COL25A1: variants seen among roughly 807,000 people sequenced by gnomAD.
COL25A1 encodes the protein collagen alpha-1(XXV) chain.
COL25A1 carries 103 observed loss-of-function variants against 128.4 expected under a neutral mutation model. That is an observed-to-expected ratio of 0.80 (90% CI 0.68 to 0.94). The LOEUF (loss-of-function observed/expected upper bound fraction) is 0.94. COL25A1 is among the 40% of genes least tolerant of loss of function. The probability of loss-of-function intolerance (pLI) is 0.00; values close to 1 mark genes in which losing one functional copy is unlikely to be tolerated. For synonymous variants in COL25A1, 279 were observed against 277.2 expected (o/e 1.01, Z -0.06); for missense variants, 745 against 840.0 (o/e 0.89, Z 1.40).
chr4:109,017,111 C>T (rs936006243), intron 5 of COL25A1, among the ~76,000 whole-genome samples: 1 of 152,212 alleles, frequency 6.6e-6, no homozygotes, highest in East Asian at 1.9e-4. Flanking sequence ...ACCACATTCC[C>T]CTTGTCCAGA....
chr4:109,118,397 G>A (rs1767803053), intron 3 of COL25A1, among the ~76,000 whole-genome samples: 2 of 151,698 alleles, frequency 1.3e-5, no homozygotes, highest in Admixed American at 6.6e-5. Flanking sequence ...GAGGTGATGG[G>A]TATGTTAATT....
At chr4:108,829,427 CTATCTATCATCT>C (rs1307672539) in intron 32 of COL25A1, among the ~76,000 whole-genome samples, 15 of 144,454 alleles carry the variant, frequency 1.0e-4, no homozygotes, top group Non-Finnish European at 1.7e-4. Context: ...ATCTATCTAT[CTATCTATCATCT>C]ATCTATCTGT....
intron 3 of COL25A1, among the ~76,000 whole-genome samples, chr4:109,128,573 A>T (rs1768861559): frequency 6.6e-6 from 1 of 152,206 alleles, no homozygotes; most frequent in Non-Finnish European, 1.5e-5. Context: ...TACCTGCAAG[A>T]CATCAGGGAG....
intron 3 of COL25A1, among the ~76,000 whole-genome samples, chr4:109,169,416 C>T (rs1773379238): frequency 6.6e-6 from 1 of 152,078 alleles, no homozygotes; most frequent in African/African-American, 2.4e-5. Flanking sequence ...GTGTGTATTC[C>T]CTTTTCCTTC....
chr4:108,871,670 C>CT (rs1169179344), intron 19 of COL25A1, among the ~76,000 whole-genome samples: 1 of 152,182 alleles, frequency 6.6e-6, no homozygotes, highest in Non-Finnish European at 1.5e-5. Flanking sequence ...GATTATGCCA[C>CT]TTTAAGAAAG....
At chr4:108,950,625 C>A (rs1194742274) in intron 8 of COL25A1, among the ~76,000 whole-genome samples, 3 of 152,198 alleles carry the variant, frequency 2.0e-5, no homozygotes, top group Non-Finnish European at 4.4e-5. Context: ...ATTTTAGGAA[C>A]TCTCCCTTGA....
At chr4:109,071,832 A>G (rs111305391) in intron 3 of COL25A1, among the ~76,000 whole-genome samples, 17,592 of 152,134 alleles carry the variant, frequency 0.12, 1,312 homozygotes, top group African/African-American at 0.21. Context: ...AAATAGGAAC[A>G]CTTTTACACT....
chr4:108,817,314 G>A lies in COL25A1; in HGVS notation c.1962+83C>T. 3 of 1,231,228 alleles carry A rather than the reference G, an allele frequency of 2.4e-6. No individual in the cohort carries two copies. In the Admixed American group the frequency reaches 5.5e-5, roughly 22 times the overall value. The allele number at this position is 1,231,228 out of a possible 1,614,324, so 76.3% of individuals were successfully genotyped here. On this transcript the variant is annotated intron_variant, in intron 37 of 37. Transcript: ENST00000399132. Reference sequence around the variant, plus strand: ...AATCTTTTGCTTTTTAATATCCGAAGGTCTTTTCTGAATGGAAAAGGCTAG... The same window carrying A: ...AATCTTTTGCTTTTTAATATCCGAAAGTCTTTTCTGAATGGAAAAGGCTAG...
At chr4:108,999,183 A>G (rs1480252612) in intron 6 of COL25A1, among the ~76,000 whole-genome samples, 6 of 77,976 alleles carry the variant, frequency 7.7e-5, no homozygotes, top group Non-Finnish European at 1.8e-4. Flanking sequence ...CAGGTAACCT[A>G]AAGAATGGGA....
rs149764632 is a variant in COL25A1 at position 109,261,354 on chromosome 4, T to A, written c.367+39229A>T. Among the ~76,000 whole-genome samples, 6 of 152,128 alleles carry A rather than the reference T, an allele frequency of 3.9e-5. No individual in the cohort carries two copies. The East Asian group carries it at 5.8e-4, about 15-fold the overall frequency. ...CAACATCACGAAACCTCATCTCTAC[T>A]AAAAATACAAAAATTAGCCAGGTAT... On this transcript the variant is annotated intron_variant, in intron 3 of 37. Transcript: ENST00000399132.
chr4:109,131,226 T>C (rs1769164907), intron 3 of COL25A1, among the ~76,000 whole-genome samples: 1 of 152,236 alleles, frequency 6.6e-6, no homozygotes, highest in South Asian at 2.1e-4. Context: ...ATAAAAGTAC[T>C]ATTAAATTTA....
At chr4:109,040,729 G>A (rs1579174431) in intron 5 of COL25A1, among the ~76,000 whole-genome samples, 1 of 152,160 alleles carries the variant, frequency 6.6e-6, no homozygotes, top group Admixed American at 6.5e-5. Context: ...TTTGTTCGGA[G>A]ACTGGACATT....
At position 109,302,361 on chromosome 4, in the gene COL25A1, G is replaced by A; in HGVS notation, c.-249C>T. 1 of 253,430 alleles carries A rather than the reference G, an allele frequency of 3.9e-6. No individual in the cohort carries two copies. 15.7% of individuals were successfully genotyped at this position (253,430 alleles called of 1,614,324 possible). Reference sequence around the variant, plus strand: ...ACCTCTTTCGAGGGCCCCAACAGTGGCCGCTCAGGGTCCGAGGGCAACGGC... The same window carrying A: ...ACCTCTTTCGAGGGCCCCAACAGTGACCGCTCAGGGTCCGAGGGCAACGGC... On this transcript the variant is annotated 5_prime_UTR_variant, in exon 1 of 38. Coordinates refer to ENST00000399132, the MANE Select transcript of COL25A1 (RefSeq NM_198721.4).
At chr4:109,248,924 G>A (rs970870650) in intron 3 of COL25A1, among the ~76,000 whole-genome samples, 4 of 152,188 alleles carry the variant, frequency 2.6e-5, no homozygotes, top group African/African-American at 9.7e-5. Context: ...CCTCATATAA[G>A]GGAGACAGTC....
intron 31 of COL25A1, among the ~76,000 whole-genome samples, chr4:108,839,840 C>T (rs1485171490): frequency 2.0e-5 from 3 of 152,034 alleles, no homozygotes; most frequent in Admixed American, 6.6e-5. Flanking sequence ...TCTTGGGCAT[C>T]TCCTAATCCA....
rs375524815 is a variant in COL25A1 at position 108,859,032 on chromosome 4, G to A, written c.1320+624C>T. Among the ~76,000 whole-genome samples the A allele has an allele frequency of 5.4e-4, 82 of 152,190 alleles. No homozygotes were observed. In the South Asian group the frequency reaches 0.017, roughly 31 times the overall value. ...ATGAAAAGAATGAATAGGAAGCAAA[G>A]GTGATAGAAACAAGCCACATAGTCT... On this transcript the variant is annotated intron_variant, in intron 24 of 37. Coordinates refer to ENST00000399132, the MANE Select transcript of COL25A1 (RefSeq NM_198721.4).
intron 3 of COL25A1, among the ~76,000 whole-genome samples, chr4:109,259,842 G>C (rs1173657765): frequency 6.6e-6 from 1 of 152,098 alleles, no homozygotes; most frequent in Admixed American, 6.5e-5. Flanking sequence ...TCCCATTAAA[G>C]CAACACCAGT....
At chr4:108,892,782 G>A (rs1308812734) in intron 16 of COL25A1, among the ~76,000 whole-genome samples, 1 of 152,172 alleles carries the variant, frequency 6.6e-6, no homozygotes, top group East Asian at 1.9e-4. Context: ...AAAGAGTGCT[G>A]TGGAGAATAT....
At chr4:109,060,579 T>C (rs1761872751) in intron 3 of COL25A1, among the ~76,000 whole-genome samples, 1 of 152,222 alleles carries the variant, frequency 6.6e-6, no homozygotes, top group South Asian at 2.1e-4. Flanking sequence ...ATGTTACCAA[T>C]TGTAGTGACT....
Sources: gnomAD v4.1 joint callset for allele counts (sites outside exome capture counted in the v4.1 genomes callset) on GRCh38, gnomAD v4.1.1 for gene constraint, MANE v1.5 for transcripts, NCBI Gene and HGNC (gene_info 2026-07-23, HGNC 2026-07-21) for gene names.